EPHA3: variants seen among roughly 807,000 people sequenced by gnomAD.
EPHA3 encodes the protein EPH receptor A3, also known as ephrin type-A receptor 3.
Under a neutral mutation model 107.1 loss-of-function variants are expected in EPHA3, and 42 were observed. The ratio of observed to expected loss-of-function variants is 0.39; its 90% CI spans 0.31 to 0.51. EPHA3 has a LOEUF of 0.51. EPHA3 is among the 20% of genes least tolerant of loss of function. EPHA3 has a pLI of 0.78. For missense variants in EPHA3, 1,183 were observed against 1,211.2 expected (o/e 0.98, Z 0.35); for synonymous variants, 461 against 424.8 (o/e 1.09, Z -1.05).
At chr3:89,470,318 A>T (rs1188879001) in intron 15 of EPHA3, among the ~76,000 whole-genome samples, 3 of 152,194 alleles carry the variant, frequency 2.0e-5, no homozygotes, top group Admixed American at 2.0e-4. Flanking sequence ...AGATCATTGC[A>T]TTCCCAGCAT....
At chr3:89,229,099 C>T (rs1481034058) in intron 3 of EPHA3, among the ~76,000 whole-genome samples, 4 of 151,862 alleles carry the variant, frequency 2.6e-5, no homozygotes, top group Admixed American at 6.6e-5. Flanking sequence ...TGCTAAGATG[C>T]TTTGTTCGTA....
chr3:89,345,801 A>G (rs1292151585), intron 5 of EPHA3, among the ~76,000 whole-genome samples: 7 of 110,418 alleles, frequency 6.3e-5, no homozygotes, highest in African/African-American at 1.4e-4. Context: ...AGAGTGTGAT[A>G]TTCCCCTTCC....
chr3:89,288,058 C>A (rs1342128923), intron 3 of EPHA3, among the ~76,000 whole-genome samples: 1 of 151,898 alleles, frequency 6.6e-6, no homozygotes. Context: ...AGAAAATAAC[C>A]TAATATGTGC....
chr3:89,238,234 G>A (rs1704818777), intron 3 of EPHA3, among the ~76,000 whole-genome samples: 1 of 152,072 alleles, frequency 6.6e-6, no homozygotes, highest in Non-Finnish European at 1.5e-5. Context: ...ACGCAGTATG[G>A]GGTAGCCAGA....
chr3:89,231,932 T>G (rs1576250420), intron 3 of EPHA3, among the ~76,000 whole-genome samples: 1 of 152,176 alleles, frequency 6.6e-6, no homozygotes. Context: ...AATAATGGTT[T>G]ACTTAACAAG....
At chr3:89,475,585 A>T (rs1710489038) in intron 16 of EPHA3, among the ~76,000 whole-genome samples, 2 of 152,288 alleles carry the variant, frequency 1.3e-5, no homozygotes, top group South Asian at 4.1e-4. Flanking sequence ...ATAACCTAAG[A>T]TGGATTTAGG....
chr3:89,356,994 G>A (rs1707973559), intron 5 of EPHA3, among the ~76,000 whole-genome samples: 1 of 146,194 alleles, frequency 6.8e-6, no homozygotes, highest in African/African-American at 2.5e-5. Flanking sequence ...TGTAATCCCA[G>A]CTACTCGGAA....
intron 5 of EPHA3, among the ~76,000 whole-genome samples, chr3:89,381,201 TG>T (rs1708498639): frequency 6.6e-6 from 1 of 151,254 alleles, no homozygotes; most frequent in South Asian, 2.1e-4. Flanking sequence ...CTCGATCTCC[TG>T]ACCTCGTGAT....
chr3:89,183,400 T>C (rs1705488650), intron 2 of EPHA3, among the ~76,000 whole-genome samples: 1 of 151,926 alleles, frequency 6.6e-6, no homozygotes, highest in South Asian at 2.1e-4. Context: ...TCTTTTCTCA[T>C]GGCTGCAATT....
intron 3 of EPHA3, among the ~76,000 whole-genome samples, chr3:89,249,103 CT>C: frequency 6.6e-6 from 1 of 152,270 alleles, no homozygotes; most frequent in East Asian, 1.9e-4. Context: ...ACTAATGCCA[CT>C]TTTGGGTGGA....
chr3:89,220,708 C>T (rs1704352304), intron 3 of EPHA3, among the ~76,000 whole-genome samples: 1 of 152,074 alleles, frequency 6.6e-6, no homozygotes, highest in Non-Finnish European at 1.5e-5. Flanking sequence ...CATTTGACTC[C>T]CTTTTTTCTG....
At chr3:89,367,643 T>C (rs1033610558) in intron 5 of EPHA3, among the ~76,000 whole-genome samples, 7 of 150,894 alleles carry the variant, frequency 4.6e-5, no homozygotes, top group African/African-American at 1.5e-4. Flanking sequence ...ATCACACAAA[T>C]TTCCAATCAT....
At chr3:89,424,845 A>AT (rs1264096187) in intron 11 of EPHA3, among the ~76,000 whole-genome samples, 1 of 151,450 alleles carries the variant, frequency 6.6e-6, no homozygotes, top group African/African-American at 2.4e-5. Flanking sequence ...AAGATGTTAA[A>AT]TTTCGTTTCA....
At chr3:89,185,198 C>T (rs1353230353) in intron 2 of EPHA3, among the ~76,000 whole-genome samples, 1 of 151,964 alleles carries the variant, frequency 6.6e-6, no homozygotes, top group East Asian at 1.9e-4. Context: ...TAACAACGTC[C>T]AGCAAAGTTC....
intron 2 of EPHA3, among the ~76,000 whole-genome samples, chr3:89,176,750 TC>T (rs1422568335): frequency 1.3e-5 from 2 of 152,258 alleles, no homozygotes; most frequent in Non-Finnish European, 2.9e-5. Flanking sequence ...CATCATAAAA[TC>T]CTTGTCTCTG....
At chr3:89,369,567 A>T (rs947137118) in intron 5 of EPHA3, among the ~76,000 whole-genome samples, 4 of 150,088 alleles carry the variant, frequency 2.7e-5, no homozygotes, top group African/African-American at 9.9e-5. Context: ...AAGAAAACCT[A>T]GGCATTACCA....
intron 16 of EPHA3, among the ~76,000 whole-genome samples, chr3:89,474,277 A>G (rs1710463180): frequency 6.6e-6 from 1 of 152,166 alleles, no homozygotes; most frequent in African/African-American, 2.4e-5. Flanking sequence ...AAATAAACTT[A>G]CCCTAGTCAA....
chr3:89,172,514 T>A (rs1311553923), intron 2 of EPHA3, among the ~76,000 whole-genome samples: 1 of 152,218 alleles, frequency 6.6e-6, no homozygotes, highest in African/African-American at 2.4e-5. Flanking sequence ...TGGCTAGGGC[T>A]GTACTCCTCT....
chr3:89,377,569 C>T (rs115873648), intron 5 of EPHA3, among the ~76,000 whole-genome samples: 2,421 of 152,188 alleles, frequency 0.016, 63 homozygotes, highest in African/African-American at 0.055. Context: ...TAAAGGGTAA[C>T]GAAACCCACT....
Sources: gnomAD v4.1 joint callset for allele counts (sites outside exome capture counted in the v4.1 genomes callset) on GRCh38, gnomAD v4.1.1 for gene constraint, MANE v1.5 for transcripts, NCBI Gene and HGNC (gene_info 2026-07-23, HGNC 2026-07-21) for gene names.